QKI: variants seen among roughly 807,000 people sequenced by gnomAD.
QKI encodes the protein KH domain-containing RNA-binding protein QKI.
A neutral mutation model predicts 39.0 loss-of-function variants in QKI; 10 were observed. That is an observed-to-expected ratio of 0.26 (90% CI 0.16 to 0.43). QKI has a LOEUF of 0.43. QKI is among the 20% of genes least tolerant of loss of function. The probability of loss-of-function intolerance (pLI) is 1.00; values close to 1 mark genes in which losing one functional copy is unlikely to be tolerated. For missense variants in QKI, 218 were observed against 428.0 expected (o/e 0.51, Z 4.33); for synonymous variants, 204 against 155.4 (o/e 1.31, Z -2.33).
intron 4 of QKI, among the ~76,000 whole-genome samples, chr6:163,561,111 G>A (rs942493861): frequency 1.6e-4 from 25 of 152,214 alleles, no homozygotes; most frequent in African/African-American, 5.8e-4. Flanking sequence ...GGATGGTGGT[G>A]TAAGAGAGCA....
chr6:163,475,519 G>A (rs1792522011), intron 2 of QKI, among the ~76,000 whole-genome samples: 1 of 152,112 alleles, frequency 6.6e-6, no homozygotes, highest in Admixed American at 6.5e-5. Context: ...GAATTTTGGT[G>A]TTTGTGTGGG....
chr6:163,480,670 C>G (rs1460056345), intron 3 of QKI, among the ~76,000 whole-genome samples: 1 of 151,996 alleles, frequency 6.6e-6, no homozygotes, highest in Non-Finnish European at 1.5e-5. Flanking sequence ...TTATGAGAAT[C>G]TTAAAAAAAT....
intron 1 of QKI, among the ~76,000 whole-genome samples, chr6:163,429,648 C>T (rs1472056740): frequency 1.3e-5 from 2 of 152,066 alleles, no homozygotes; most frequent in African/African-American, 2.4e-5. Context: ...CTTATTTTTG[C>T]AATGCAGTTA....
intron 3 of QKI, among the ~76,000 whole-genome samples, chr6:163,532,359 T>TG (rs1310548031): frequency 2.0e-5 from 3 of 152,128 alleles, no homozygotes; most frequent in African/African-American, 4.8e-5. Flanking sequence ...GTGAATTGAT[T>TG]GGGGGGGAGG....
intron 3 of QKI, among the ~76,000 whole-genome samples, chr6:163,530,903 T>C (rs1780808484): frequency 2.0e-5 from 3 of 152,226 alleles, no homozygotes; most frequent in African/African-American, 4.8e-5. Context: ...GCGAAAAATA[T>C]ATAACATTGA....
Position 163,578,227 on chromosome 6 carries a change from A to T in QKI, c.*7517A>T, listed in dbSNP as rs1396746362. 1 of 152,208 alleles carries T rather than the reference A, an allele frequency of 6.6e-6. No homozygotes were observed. The highest frequency in any genetic ancestry group is 2.4e-5 in the African/African-American group (1 of 41,454). The allele number at this position is 152,208 out of a possible 1,614,324, so 9.4% of individuals were successfully genotyped here. A position where few individuals can be genotyped will look rare whatever the true frequency, so the allele number is the denominator to read the frequency against. ...ATTGGTTACTTAACTGGATATTAAT[A>T]TAAAGGTTATTACAAGAAAAATGAT... On this transcript the variant is annotated 3_prime_UTR_variant, in exon 8 of 8. Coordinates refer to ENST00000361752, the MANE Select transcript of QKI (RefSeq NM_006775.3).
Position 163,560,602 on chromosome 6 carries a change from C to G in QKI, c.547-1380C>G, listed in dbSNP as rs115005077. Among the ~76,000 whole-genome samples, 387 of 152,228 alleles carry G rather than the reference C, an allele frequency of 2.5e-3. 2 individuals carry two copies. The highest frequency in any genetic ancestry group is 8.8e-3 in the African/African-American group (365 of 41,548). The stretch of plus-strand genomic sequence containing the variant: ...ACAGAGATGAATGGTGGAGAGCAAT[C>G]TGGTTTGACTTAAGATGTTACTTAC... On this transcript the variant is annotated intron_variant, in intron 4 of 7. Transcript: ENST00000361752.
At chr6:163,416,262 C>G in intron 1 of QKI, 1 of 255,644 alleles carries the variant, frequency 3.9e-6, no homozygotes, top group Non-Finnish European at 7.9e-6. Context: ...TGAAGAATGA[C>G]AAGAAGATTA....
At chr6:163,502,839 G>C (rs1233487260) in intron 3 of QKI, among the ~76,000 whole-genome samples, 1 of 152,096 alleles carries the variant, frequency 6.6e-6, no homozygotes, top group Non-Finnish European at 1.5e-5. Context: ...CTTTTTGGTA[G>C]AGTGGTTGTT....
intron 1 of QKI, among the ~76,000 whole-genome samples, chr6:163,436,878 C>G (rs770243897): frequency 3.4e-5 from 5 of 148,858 alleles, no homozygotes; most frequent in Non-Finnish European, 7.4e-5. Flanking sequence ...GTATATTTTT[C>G]ATTGAAAGTA....
At chr6:163,459,110 A>C (rs1030081389) in intron 2 of QKI, among the ~76,000 whole-genome samples, 1 of 152,184 alleles carries the variant, frequency 6.6e-6, no homozygotes, top group African/African-American at 2.4e-5. Flanking sequence ...ATTGAGGCTA[A>C]CTGGGTGGGT....
At chr6:163,459,744 AG>A (rs1400045001) in intron 2 of QKI, among the ~76,000 whole-genome samples, 2 of 152,238 alleles carry the variant, frequency 1.3e-5, no homozygotes, top group South Asian at 2.1e-4. Context: ...ATTACACATA[AG>A]AAAAATAATC....
At chr6:163,485,061 A>G (rs1777561921) in intron 3 of QKI, among the ~76,000 whole-genome samples, 1 of 152,220 alleles carries the variant, frequency 6.6e-6, no homozygotes, top group African/African-American at 2.4e-5. Flanking sequence ...AAATATATTT[A>G]TTTCATCATA....
chr6:163,422,207 C>A (rs1020699059), intron 1 of QKI, among the ~76,000 whole-genome samples: 20 of 152,168 alleles, frequency 1.3e-4, no homozygotes, highest in Admixed American at 1.3e-3. Flanking sequence ...TTTTCGTCTT[C>A]AGTTTCTTGA....
intron 4 of QKI, among the ~76,000 whole-genome samples, chr6:163,558,463 G>A (rs945374155): frequency 1.3e-5 from 2 of 148,912 alleles, no homozygotes; most frequent in Non-Finnish European, 1.5e-5. Flanking sequence ...GCAACGGCGC[G>A]ATGTCGACTC....
intron 1 of QKI, among the ~76,000 whole-genome samples, chr6:163,428,783 T>C (rs1260244854): frequency 6.6e-6 from 1 of 150,850 alleles, no homozygotes; most frequent in African/African-American, 2.4e-5. Context: ...CAATTTAAAA[T>C]ACTCTTGCCT....
At chr6:163,473,632 A>T (rs4709717) in intron 2 of QKI, among the ~76,000 whole-genome samples, 64,266 of 152,136 alleles carry the variant, frequency 0.42, 16,852 homozygotes, top group East Asian at 0.72. Flanking sequence ...GAAAATTTAG[A>T]CAAAATGGAT....
intron 2 of QKI, among the ~76,000 whole-genome samples, chr6:163,463,191 A>G (rs367722002): frequency 6.6e-6 from 1 of 152,084 alleles, no homozygotes; most frequent in South Asian, 2.1e-4. Context: ...CTAACCATGA[A>G]TTTTTCTTGT....
intron 5 of QKI, 80 bp downstream of exon 5, chr6:163,562,149 A>G (rs1283413262): frequency 2.0e-5 from 18 of 914,346 alleles, no homozygotes; most frequent in East Asian, 1.8e-4. Context: ...TGGCAACACA[A>G]TAATAGTTCA....
Sources: gnomAD v4.1 joint callset for allele counts (sites outside exome capture counted in the v4.1 genomes callset) on GRCh38, gnomAD v4.1.1 for gene constraint, MANE v1.5 for transcripts, NCBI Gene and HGNC (gene_info 2026-07-23, HGNC 2026-07-21) for gene names.